ATG7: variants seen among roughly 807,000 people sequenced by gnomAD.
ATG7 encodes autophagy related 7, also known as ubiquitin-like modifier-activating enzyme ATG7.
A neutral mutation model predicts 82.4 loss-of-function variants in ATG7; 70 were observed. The observed-to-expected ratio is 0.85, with a 90% CI of 0.70 to 1.04. The LOEUF (loss-of-function observed/expected upper bound fraction) is 1.04, where lower values mean the gene tolerates loss of function less well. ATG7 is among the 50% of genes least tolerant of loss of function. The pLI is 0.00. For synonymous variants in ATG7, 287 were observed against 313.0 expected (o/e 0.92, Z 0.88); for missense variants, 792 against 864.3 (o/e 0.92, Z 1.05).
chr3:11,385,279 C>T (rs950164164), intron 19 of ATG7, among the ~76,000 whole-genome samples: 6 of 152,174 alleles, frequency 3.9e-5, no homozygotes, highest in African/African-American at 2.4e-5. Context: ...CTGCCCACCT[C>T]GACCTCCCAA....
chr3:11,425,184 G>T (rs2082261161), intron 19 of ATG7, among the ~76,000 whole-genome samples: 1 of 152,106 alleles, frequency 6.6e-6, no homozygotes, highest in African/African-American at 2.4e-5. Flanking sequence ...GGTTGGTCCT[G>T]AACTCCTAAG....
At chr3:11,316,751 A>G (rs941585598) in intron 9 of ATG7, among the ~76,000 whole-genome samples, 11 of 152,216 alleles carry the variant, frequency 7.2e-5, no homozygotes, top group African/African-American at 2.7e-4. Context: ...GTGATCAGAT[A>G]TATAGGAAGT....
chr3:11,293,212 A>C (rs1945247919), intron 3 of ATG7, among the ~76,000 whole-genome samples: 1 of 152,188 alleles, frequency 6.6e-6, no homozygotes, highest in African/African-American at 2.4e-5. Flanking sequence ...ATTCATTGGC[A>C]TACAGACAGA....
intron 3 of ATG7, among the ~76,000 whole-genome samples, chr3:11,283,481 G>C (rs777554517): frequency 1.3e-5 from 2 of 152,140 alleles, no homozygotes; most frequent in African/African-American, 2.4e-5. Context: ...AGTAAATCCA[G>C]GTGCAGGGGG....
At chr3:11,348,917 T>A (rs1955004854) in intron 14 of ATG7, among the ~76,000 whole-genome samples, 1 of 152,136 alleles carries the variant, frequency 6.6e-6, no homozygotes, top group South Asian at 2.1e-4. Flanking sequence ...CGCTGATTGG[T>A]ATGTTTTTAC....
chr3:11,327,357 C>T (rs1324582432), intron 9 of ATG7, among the ~76,000 whole-genome samples: 1 of 152,188 alleles, frequency 6.6e-6, no homozygotes, highest in African/African-American at 2.4e-5. Flanking sequence ...CTCTTTTAAG[C>T]AAATATTTTC....
chr3:11,423,740 T>C (rs2082136552), intron 19 of ATG7, among the ~76,000 whole-genome samples: 1 of 152,160 alleles, frequency 6.6e-6, no homozygotes, highest in Non-Finnish European at 1.5e-5. Flanking sequence ...GCAGTCTCTC[T>C]GATCCTAACA....
rs561469793 is a variant in ATG7, at chr3:11,501,036, C to T, written c.2080-53775C>T. On this transcript the variant is annotated intron_variant, in intron 20 of 20. Transcript: ENST00000693202. ...TTGGGAAGCCAAGGTGCGAGGATCA[C>T]TTGAGGCCAGGAGTTCAAGACCAAC... Among the ~76,000 whole-genome samples, 141 of 152,322 alleles carry T rather than the reference C, an allele frequency of 9.3e-4. 1 individual carries two copies. Among genetic ancestry groups the T allele is most frequent in the African/African-American group, 3.3e-3 (138 of 41,562 alleles).
chr3:11,486,662 T>C (rs528428487), intron 20 of ATG7, among the ~76,000 whole-genome samples: 194 of 152,220 alleles, frequency 1.3e-3, no homozygotes, highest in Non-Finnish European at 1.9e-3. Flanking sequence ...CAGTATGATA[T>C]TGGCTGTGGG....
chr3:11,569,130 A>C, the ATG7 span, among the ~76,000 whole-genome samples: 1 of 152,196 alleles, frequency 6.6e-6, no homozygotes, highest in Non-Finnish European at 1.5e-5. Context: ...ACGTGAAAGA[A>C]GTGCACTGCG....
At chr3:11,534,669 A>T (rs1484427654) in intron 20 of ATG7, among the ~76,000 whole-genome samples, 2 of 152,322 alleles carry the variant, frequency 1.3e-5, no homozygotes, top group South Asian at 2.1e-4. Flanking sequence ...TTGGGCCCCA[A>T]ATGGCCCTAG....
chr3:11,458,415 C>G (rs1055420202), intron 20 of ATG7, among the ~76,000 whole-genome samples: 4 of 152,148 alleles, frequency 2.6e-5, no homozygotes, highest in African/African-American at 7.2e-5. Context: ...AGGCGCCCAC[C>G]ACCACGCCCG....
chr3:11,283,606 C>G (rs1943443578), intron 3 of ATG7, among the ~76,000 whole-genome samples: 1 of 152,054 alleles, frequency 6.6e-6, no homozygotes, highest in South Asian at 2.1e-4. Context: ...ATTACATTAC[C>G]TCTCCTTTTA....
Position 11,342,298 on chromosome 3 carries a change from G to T in ATG7, c.1125+19G>T, listed in dbSNP as rs762227032. Reference sequence around the variant, plus strand: ...GTTGATGGTAAGTCGGAGGTGGGGGGTGCAAATGGCACCTTTGAAGTTGTA... The same window carrying T: ...GTTGATGGTAAGTCGGAGGTGGGGGTTGCAAATGGCACCTTTGAAGTTGTA... On this transcript the variant is annotated intron_variant, in intron 13 of 20. Transcript: ENST00000693202. 4.2e-5 allele frequency: 68 copies of T among 1,601,986 alleles called. No individual in the cohort carries two copies. The East Asian group carries it at 1.3e-3, about 31-fold the overall frequency.
At chr3:11,346,629 T>A (rs916166690) in intron 13 of ATG7, 2 of 152,250 alleles carry the variant, frequency 1.3e-5, no homozygotes, top group African/African-American at 4.8e-5. Flanking sequence ...TGTATCTGGC[T>A]TTCTTCCCAC....
intron 19 of ATG7, among the ~76,000 whole-genome samples, chr3:11,405,300 A>T (rs769743680): frequency 6.6e-6 from 1 of 152,014 alleles, no homozygotes; most frequent in Non-Finnish European, 1.5e-5. Context: ...CCCACTGACT[A>T]TTGGGCTGCC....
intron 9 of ATG7, among the ~76,000 whole-genome samples, chr3:11,315,851 G>A (rs12494197): frequency 0.2 from 30,646 of 152,000 alleles, 3,474 homozygotes; most frequent in South Asian, 0.36. Context: ...TCAGCCTCCC[G>A]AGTAGCTGGG....
chr3:11,554,972 C>A lies in ATG7; in HGVS notation c.*129C>A. 1 of 1,181,580 alleles carries A rather than the reference C, an allele frequency of 8.5e-7. No individual in the cohort carries two copies. 73.2% of individuals were successfully genotyped at this position (1,181,580 alleles called of 1,614,324 possible). ...CCTCCATACCCCGAGGTCTGGGATT[C>A]CCCCCTCTGCTGCCCAGGAGTGGCC... On this transcript the variant is annotated 3_prime_UTR_variant, in exon 21 of 21. Transcript: ENST00000693202.
intron 3 of ATG7, chr3:11,288,674 C>T (rs1944472125): frequency 6.6e-6 from 1 of 152,212 alleles, no homozygotes; most frequent in African/African-American, 2.4e-5. Context: ...ACCGCCACTG[C>T]ACATTTCCTG....
Sources: gnomAD v4.1 joint callset for allele counts (sites outside exome capture counted in the v4.1 genomes callset) on GRCh38, gnomAD v4.1.1 for gene constraint, MANE v1.5 for transcripts, NCBI Gene and HGNC (gene_info 2026-07-23, HGNC 2026-07-21) for gene names.